NT5C2: variants seen among roughly 807,000 people sequenced by gnomAD.
NT5C2 encodes 5'-nucleotidase, cytosolic II.
In NT5C2, 58 loss-of-function variants were observed where a neutral mutation model predicts 76.1. The ratio of observed to expected loss-of-function variants is 0.76; its 90% CI spans 0.62 to 0.95. The LOEUF is 0.95. Ranked by LOEUF, NT5C2 falls within the 40% of genes least tolerant of loss-of-function variation. The pLI is 0.00. For missense variants in NT5C2, 478 were observed against 690.3 expected (o/e 0.69, Z 3.45); for synonymous variants, 229 against 237.4 (o/e 0.96, Z 0.32).
intron 2 of NT5C2, among the ~76,000 whole-genome samples, chr10:103,178,112 T>A (rs1467009065): frequency 6.6e-6 from 1 of 152,254 alleles, no homozygotes; most frequent in Non-Finnish European, 1.5e-5. Context: ...CACATTTCAT[T>A]CTTTCTAATG....
chr10:103,100,988 C>A, intron 8 of NT5C2, 57 bp downstream of exon 8: 1 of 984,614 alleles, frequency 1.0e-6, no homozygotes, highest in Non-Finnish European at 1.6e-6. Context: ...TTCTCTAAAA[C>A]CCTGTGCATT....
chr10:103,096,019 T>A, intron 11 of NT5C2, 39 bp from the exon 12 acceptor site: 1 of 1,499,188 alleles, frequency 6.7e-7, no homozygotes, highest in Non-Finnish European at 9.3e-7. Flanking sequence ...ATATACTACT[T>A]TTGCAAAAGG....
chr10:103,146,217 CCT>C, intron 3 of NT5C2: 1 of 985,356 alleles, frequency 1.0e-6, no homozygotes. Flanking sequence ...GGAGAAAACA[CCT>C]CTGTGTTTAA....
chr10:103,147,307 C>A (rs919495053), intron 3 of NT5C2, among the ~76,000 whole-genome samples: 5 of 152,362 alleles, frequency 3.3e-5, no homozygotes, highest in South Asian at 2.1e-4. Context: ...CATTGTCCCA[C>A]ATCATGCACC....
At chr10:103,097,100 G>A (rs1170327980) in intron 11 of NT5C2, among the ~76,000 whole-genome samples, 191 bp downstream of exon 11, 3 of 152,012 alleles carry the variant, frequency 2.0e-5, no homozygotes, top group Admixed American at 6.6e-5. Context: ...CAGTGAAAAT[G>A]GTTAAAATAA....
chr10:103,192,481 CAGA>C (rs1393663233), intron 1 of NT5C2, among the ~76,000 whole-genome samples: 1 of 152,226 alleles, frequency 6.6e-6, no homozygotes, highest in Non-Finnish European at 1.5e-5. Context: ...GTTCAGGCCT[CAGA>C]TCGGCATCTC....
chr10:103,130,003 A>G (rs2077779216), intron 4 of NT5C2, among the ~76,000 whole-genome samples: 1 of 149,452 alleles, frequency 6.7e-6, no homozygotes, highest in Non-Finnish European at 1.5e-5. Context: ...GGCCGCCCCT[A>G]CTGGGAAGTG....
chr10:103,115,380 T>G (rs930911619), intron 4 of NT5C2, among the ~76,000 whole-genome samples: 1 of 151,998 alleles, frequency 6.6e-6, no homozygotes, highest in African/African-American at 2.4e-5. Flanking sequence ...CTTGCCTGGG[T>G]GACAGAGCAA....
In NT5C2 at chr10:103,167,270, G is replaced by A. The variant is rs1251264336; in HGVS notation, c.101+7588C>T. 3.9e-5 allele frequency among the ~76,000 whole-genome samples: 6 copies of A among 152,030 alleles called. No individual in the cohort carries two copies. The East Asian group carries it at 7.7e-4, about 20-fold the overall frequency. On this transcript the variant is annotated intron_variant, in intron 3 of 18. Coordinates refer to ENST00000404739, the MANE Select transcript of NT5C2 (RefSeq NM_001351169.2). ...TGACCTCAGGCGAGCCACCCACCTC[G>A]GCCTCCCAAAGTGCTGGGATTACAA...
At chr10:103,119,701 T>A (rs184501969) in intron 4 of NT5C2, among the ~76,000 whole-genome samples, 1 of 152,334 alleles carries the variant, frequency 6.6e-6, no homozygotes, top group Admixed American at 6.5e-5. Flanking sequence ...AATAGTAAGT[T>A]CAGCTCAGCT....
At chr10:103,183,547 GCT>G (rs1021032066) in intron 1 of NT5C2, among the ~76,000 whole-genome samples, 7 of 118,852 alleles carry the variant, frequency 5.9e-5, no homozygotes, top group African/African-American at 2.3e-4. Flanking sequence ...AGTCTCTTTC[GCT>G]CTGTCTTCCA....
At chr10:103,149,085 G>A (rs1385316413) in intron 3 of NT5C2, among the ~76,000 whole-genome samples, 1 of 152,134 alleles carries the variant, frequency 6.6e-6, no homozygotes, top group Non-Finnish European at 1.5e-5. Context: ...CTGAGAATTT[G>A]AACAAGTCAG....
intron 4 of NT5C2, among the ~76,000 whole-genome samples, chr10:103,134,843 A>G (rs1017686915): frequency 7.2e-5 from 11 of 152,260 alleles, no homozygotes; most frequent in African/African-American, 2.7e-4. Flanking sequence ...CACCTCTTGC[A>G]TCAGCAAGAC....
intron 4 of NT5C2, among the ~76,000 whole-genome samples, chr10:103,129,788 T>C (rs1245175734): frequency 2.7e-5 from 3 of 109,116 alleles, no homozygotes; most frequent in African/African-American, 1.1e-4. Flanking sequence ...AGCCGCCCCG[T>C]CCGGGAGGTG....
At chr10:103,121,527 G>A (rs1361131984) in intron 4 of NT5C2, among the ~76,000 whole-genome samples, 1 of 152,188 alleles carries the variant, frequency 6.6e-6, no homozygotes, top group Non-Finnish European at 1.5e-5. Flanking sequence ...AGTGAGTTGA[G>A]TCCATTCCAA....
Position 103,101,043 on chromosome 10 carries a change from AC to A in NT5C2, c.539+1del. ...AAAAAAATAATTATAGTATATACAT[AC>A]CTGGTATATCTGGGACAATTAGTAA... On this transcript the variant is annotated splice_donor_variant, in intron 8 of 18. Coordinates refer to ENST00000404739, the MANE Select transcript of NT5C2 (RefSeq NM_001351169.2). LOFTEE classifies it high-confidence loss of function. 1 of 1,481,566 alleles carries A rather than the reference AC, an allele frequency of 6.7e-7. No homozygotes were observed. Among genetic ancestry groups the A allele is most frequent in the East Asian group, 2.3e-5 (1 of 44,246 alleles). The allele number at this position is 1,481,566 out of a possible 1,614,324, so 91.8% of individuals were successfully genotyped here.
intron 2 of NT5C2, among the ~76,000 whole-genome samples, chr10:103,178,775 A>G (rs1240211403): frequency 4.9e-5 from 7 of 142,756 alleles, no homozygotes; most frequent in Non-Finnish European, 1.5e-5. Flanking sequence ...GGTTGCAATG[A>G]GCTGAGCCGA....
chr10:103,091,440 G>C (rs960395623), intron 16 of NT5C2, 124 bp downstream of exon 16: 3 of 723,540 alleles, frequency 4.1e-6, no homozygotes, highest in East Asian at 5.3e-5. Context: ...CCATTTCCCC[G>C]GTTCAAACGA....
At chr10:103,159,251 G>GCGCACA (rs1555024571) in intron 3 of NT5C2, among the ~76,000 whole-genome samples, 1 of 133,202 alleles carries the variant, frequency 7.5e-6, no homozygotes, top group Admixed American at 7.7e-5. Context: ...TCCAAAACAT[G>GCGCACA]CACACACACA....
Sources: allele counts gnomAD v4.1 joint callset (sites outside exome capture counted in the v4.1 genomes callset), GRCh38; gene constraint gnomAD v4.1.1; transcripts MANE v1.5; gene names NCBI Gene and HGNC (gene_info 2026-07-23, HGNC 2026-07-21).